SNTG1: variants seen among roughly 807,000 people sequenced by gnomAD.
SNTG1 encodes syntrophin gamma 1, also known as gamma-1-syntrophin.
A neutral mutation model predicts 74.7 loss-of-function variants in SNTG1; 39 were observed. That is an observed-to-expected ratio of 0.52 (90% confidence interval 0.40 to 0.68). SNTG1 has a LOEUF of 0.68. SNTG1 is among the 30% of genes least tolerant of loss of function. The probability of loss-of-function intolerance (pLI) is 0.00; values close to 1 mark genes in which losing one functional copy is unlikely to be tolerated. For missense variants in SNTG1, 685 were observed against 609.5 expected, an observed-to-expected ratio of 1.12 and a Z score of -1.30; for synonymous variants, 254 against 217.1, an observed-to-expected ratio of 1.17 and a Z score of -1.49.
At chr8:50,213,045 C>A (rs2084598675) in intron 2 of SNTG1, among the ~76,000 whole-genome samples, 1 of 152,178 alleles carries the variant, frequency 6.6e-6, no homozygotes, top group Non-Finnish European at 1.5e-5. Context: ...ATTTTATTGC[C>A]TGCTATGCAT....
intron 2 of SNTG1, among the ~76,000 whole-genome samples, chr8:50,199,793 G>C (rs889808033): frequency 2.6e-5 from 4 of 152,104 alleles, no homozygotes; most frequent in African/African-American, 9.7e-5. Flanking sequence ...CCTTATCTTA[G>C]CAGAGAGTGC....
chr8:49,979,543 C>T (rs1812490435), intron 1 of SNTG1, among the ~76,000 whole-genome samples: 1 of 152,222 alleles, frequency 6.6e-6, no homozygotes, highest in Non-Finnish European at 1.5e-5. Context: ...CCTTCCTCTG[C>T]CTGTCTGCAC....
chr8:50,066,335 T>G (rs1226448862), intron 1 of SNTG1, among the ~76,000 whole-genome samples: 1 of 152,176 alleles, frequency 6.6e-6, no homozygotes, highest in African/African-American at 2.4e-5. Flanking sequence ...TAAGATGTAC[T>G]GTGTGGTATT....
intron 15 of SNTG1, among the ~76,000 whole-genome samples, chr8:50,689,827 C>A (rs1563746688): frequency 6.6e-6 from 1 of 152,126 alleles, no homozygotes; most frequent in Non-Finnish European, 1.5e-5. Context: ...GGAATGGTAC[C>A]AGCTCCTCTT....
chr8:50,699,419 C>T (rs2095416083), intron 15 of SNTG1, among the ~76,000 whole-genome samples: 2 of 151,946 alleles, frequency 1.3e-5, no homozygotes, highest in South Asian at 4.1e-4. Flanking sequence ...TTTGATTTTG[C>T]TTTCATATGT....
chr8:50,383,129 A>T (rs2092516838), intron 2 of SNTG1, among the ~76,000 whole-genome samples: 1 of 152,232 alleles, frequency 6.6e-6, no homozygotes, highest in Non-Finnish European at 1.5e-5. Context: ...GTTGACACAT[A>T]AAAGTAACCA....
chr8:50,377,968 G>C (rs563507707), intron 2 of SNTG1, among the ~76,000 whole-genome samples: 14 of 152,336 alleles, frequency 9.2e-5, no homozygotes, highest in East Asian at 1.9e-4. Flanking sequence ...TTTCCGGATG[G>C]AAACCTCTGT....
At chr8:50,410,997 C>G (rs1357511819) in intron 4 of SNTG1, among the ~76,000 whole-genome samples, 2 of 152,174 alleles carry the variant, frequency 1.3e-5, no homozygotes, top group Non-Finnish European at 2.9e-5. Flanking sequence ...AAAGTGGTCA[C>G]TGATTACTAA....
Position 49,911,731 on chromosome 8 carries a change from G to C in SNTG1, c.-603G>C, listed in dbSNP as rs1269026903. 1 of 152,234 alleles carries C rather than the reference G, an allele frequency of 6.6e-6. No individual in the cohort carries two copies. Among genetic ancestry groups the C allele is most frequent in the African/African-American group, 2.4e-5 (1 of 41,444 alleles). 9.4% of individuals were successfully genotyped at this position (152,234 alleles called of 1,614,324 possible). ...AGGGGATGGACAGCGTCTCCGGACT[G>C]AGCTGCAGCCACAGGGACGGAACTA... is the stretch of plus-strand genomic sequence containing the variant. On this transcript the variant is annotated 5_prime_UTR_variant, in exon 1 of 19. Transcript: ENST00000642720.
intron 1 of SNTG1, among the ~76,000 whole-genome samples, chr8:50,141,878 TAAA>T (rs1329790926): frequency 6.6e-6 from 1 of 151,906 alleles, no homozygotes; most frequent in African/African-American, 2.4e-5. Flanking sequence ...ATATTGAAAA[TAAA>T]AGAAAATAAA....
chr8:50,090,067 T>C (rs1044337801), intron 1 of SNTG1, among the ~76,000 whole-genome samples: 2 of 152,218 alleles, frequency 1.3e-5, no homozygotes, highest in Non-Finnish European at 2.9e-5. Context: ...AAGTAACACA[T>C]AGAAATTAAA....
intron 17 of SNTG1, among the ~76,000 whole-genome samples, chr8:50,712,423 G>T (rs1437826334): frequency 4.6e-5 from 7 of 152,174 alleles, no homozygotes; most frequent in Non-Finnish European, 8.8e-5. Context: ...AATAATGTAC[G>T]ACTGAAATTA....
chr8:50,552,296 G>A (rs1212693617), intron 11 of SNTG1, among the ~76,000 whole-genome samples: 1 of 152,118 alleles, frequency 6.6e-6, no homozygotes, highest in Non-Finnish European at 1.5e-5. Context: ...GAAGCTATAT[G>A]AAACACTTTT....
chr8:49,969,186 G>A (rs1811413203), intron 1 of SNTG1, among the ~76,000 whole-genome samples: 1 of 151,892 alleles, frequency 6.6e-6, no homozygotes, highest in Non-Finnish European at 1.5e-5. Flanking sequence ...ATAACGTGGT[G>A]AATAATTTTT....
intron 2 of SNTG1, among the ~76,000 whole-genome samples, chr8:50,309,189 A>G (rs1298172026): frequency 6.6e-6 from 1 of 152,176 alleles, no homozygotes; most frequent in Non-Finnish European, 1.5e-5. Context: ...GGTTATTGTT[A>G]TATATTTGAA....
intron 8 of SNTG1, among the ~76,000 whole-genome samples, chr8:50,458,701 C>T (rs2093531260): frequency 2.6e-5 from 4 of 152,072 alleles, no homozygotes; most frequent in African/African-American, 2.4e-5. Context: ...TTTGCATTTT[C>T]CTAATGACTA....
chr8:49,989,992 A>G (rs1006965529), intron 1 of SNTG1, among the ~76,000 whole-genome samples: 1 of 151,986 alleles, frequency 6.6e-6, no homozygotes, highest in African/African-American at 2.4e-5. Flanking sequence ...TATAGCTAAC[A>G]TAACTTATTG....
chr8:50,455,249 C>A (rs543182517), intron 8 of SNTG1, among the ~76,000 whole-genome samples: 7 of 152,104 alleles, frequency 4.6e-5, no homozygotes, highest in Non-Finnish European at 1.0e-4. Flanking sequence ...CATCATTAGG[C>A]AAAGCAAGAT....
At chr8:50,143,251 A>G (rs1282385729) in intron 1 of SNTG1, among the ~76,000 whole-genome samples, 1 of 152,142 alleles carries the variant, frequency 6.6e-6, no homozygotes, top group Non-Finnish European at 1.5e-5. Context: ...AATACTCACA[A>G]TAATATCACT....
Sources: allele counts gnomAD v4.1 joint callset (sites outside exome capture counted in the v4.1 genomes callset), GRCh38; gene constraint gnomAD v4.1.1; transcripts MANE v1.5; gene names NCBI Gene and HGNC (gene_info 2026-07-23, HGNC 2026-07-21).